OSBPL9: variants seen among roughly 807,000 people sequenced by gnomAD.
OSBPL9 encodes oxysterol binding protein like 9, also known as oxysterol-binding protein-related protein 9.
A neutral mutation model predicts 106.6 loss-of-function variants in OSBPL9; 40 were observed. The ratio of observed to expected loss-of-function variants is 0.38; its 90% confidence interval spans 0.29 to 0.49. OSBPL9 has a LOEUF of 0.49. OSBPL9 is among the 20% of genes least tolerant of loss of function. The probability of loss-of-function intolerance (pLI) is 0.97; values close to 1 mark genes in which losing one functional copy is unlikely to be tolerated. For synonymous variants in OSBPL9, 269 were observed against 295.4 expected, an observed-to-expected ratio of 0.91 and a Z score of 0.92; for missense variants, 609 against 887.2, an observed-to-expected ratio of 0.69 and a Z score of 3.98.
chr1:51,650,837 G>A (rs1265682204), intron 1 of OSBPL9, among the ~76,000 whole-genome samples: 3 of 152,060 alleles, frequency 2.0e-5, no homozygotes, highest in East Asian at 3.9e-4. Context: ...TTTACTCTTA[G>A]GAATATTTAC....
chr1:51,691,232 TTTTC>T (rs1276471087), intron 3 of OSBPL9, among the ~76,000 whole-genome samples: 1 of 152,078 alleles, frequency 6.6e-6, no homozygotes, highest in Non-Finnish European at 1.5e-5. Flanking sequence ...TTTAAAAATT[TTTTC>T]TTTCTTCAAT....
rs1157836443 is a variant in OSBPL9 at position 51,784,506 on chromosome 1, G to C, written c.1753G>C (p.Gly585Arg). The stretch of plus-strand genomic sequence containing the variant: ...ATGCAATATTAATTGTTCCAAAACA[G>C]GCTATAGTGCAAATATCATCTTCCA... ...GECNINCSKT[G>R]YSANIIFHTK... The change falls in exon 20 of 24, where the codon GGC becomes CGC. Residue 585 changes from glycine to arginine, a missense_variant. By Grantham distance (125) the Gly-to-Arg change is moderately radical (BLOSUM62 -2). Around this residue, in one of 5 missense-constraint regions of OSBPL9, gnomAD observed 19 missense variants for 60.9 expected, o/e 0.31. Transcript: ENST00000428468. 1.9e-6 allele frequency: 3 copies of C among 1,613,602 alleles called. No homozygotes were observed. The highest frequency in any genetic ancestry group is 2.5e-6 in the Non-Finnish European group (3 of 1,179,480).
chr1:51,768,814 A>C (rs746073873), intron 12 of OSBPL9, among the ~76,000 whole-genome samples: 10 of 152,148 alleles, frequency 6.6e-5, no homozygotes, highest in South Asian at 2.1e-4. Flanking sequence ...GGTTCCTTCT[A>C]TGCTCTCCCA....
At chr1:51,746,829 A>G in intron 6 of OSBPL9, 72 bp downstream of exon 6, 1 of 1,257,588 alleles carries the variant, frequency 8.0e-7, no homozygotes, top group Non-Finnish European at 1.1e-6. Flanking sequence ...TAAGTATCTT[A>G]GTGTGTTTTT....
chr1:51,776,924 TG>T lies in OSBPL9; in HGVS notation c.1256+7del. 1 of 1,595,828 alleles carries T rather than the reference TG, an allele frequency of 6.3e-7. No homozygotes were observed. The highest frequency in any genetic ancestry group is 8.6e-7 in the Non-Finnish European group (1 of 1,163,390). ...CATCCGGACCTGTTTGTGAGGTATTTGACTGAACATGGTAGTTTCCAACGTT... is the reference window on the plus strand; with the variant it reads ...CATCCGGACCTGTTTGTGAGGTATTTACTGAACATGGTAGTTTCCAACGTT... On this transcript the variant is annotated splice_region_variant and intron_variant, in intron 15 of 23. Coordinates refer to ENST00000428468, the MANE Select transcript of OSBPL9 (RefSeq NM_024586.6).
chr1:51,786,090 A>AC (rs1677558406), intron 21 of OSBPL9: 1 of 557,002 alleles, frequency 1.8e-6, no homozygotes. Flanking sequence ...CCAGCAGTAT[A>AC]GGTAATTATA....
chr1:51,522,934 T>C, the OSBPL9 span, among the ~76,000 whole-genome samples: 1 of 151,992 alleles, frequency 6.6e-6, no homozygotes, highest in Non-Finnish European at 1.5e-5. Context: ...AACAACTAAG[T>C]TGGTTTGACA....
At chr1:51,638,457 A>G (rs1319132350) in intron 1 of OSBPL9, among the ~76,000 whole-genome samples, 1 of 152,110 alleles carries the variant, frequency 6.6e-6, no homozygotes, top group African/African-American at 2.4e-5. Flanking sequence ...AATAGAAAGG[A>G]GACTACATTC....
intron 1 of OSBPL9, among the ~76,000 whole-genome samples, chr1:51,590,755 AT>A (rs537388989): frequency 2.0e-5 from 3 of 150,472 alleles, no homozygotes; most frequent in Non-Finnish European, 3.0e-5. Context: ...ATGATTCTTA[AT>A]TTTTTTTTTC....
At chr1:51,615,288 A>C (rs377490571), upstream of OSBPL9, among the ~76,000 whole-genome samples, 4 of 152,202 alleles carry the variant, frequency 2.6e-5, no homozygotes, top group East Asian at 1.9e-4. Context: ...AACAAACAAA[A>C]AAAACAGAAA....
chr1:51,746,863 C>A, intron 6 of OSBPL9, 106 bp downstream of exon 6: 1 of 882,756 alleles, frequency 1.1e-6, no homozygotes, highest in Non-Finnish European at 1.7e-6. Context: ...ATATTATTGA[C>A]CTAGTGTAAT....
chr1:51,519,090 G>A, the OSBPL9 span: 2 of 726,006 alleles, frequency 2.8e-6, no homozygotes, highest in Admixed American at 4.2e-5. Flanking sequence ...CGGCCCACAA[G>A]CCAAGAAGCT....
At chr1:51,671,963 A>T (rs1473059828) in intron 3 of OSBPL9, among the ~76,000 whole-genome samples, 1 of 152,128 alleles carries the variant, frequency 6.6e-6, no homozygotes, top group Non-Finnish European at 1.5e-5. Context: ...ATACTCATAT[A>T]TTTGAAGAAC....
chr1:51,640,826 C>G (rs1423664660), intron 1 of OSBPL9, among the ~76,000 whole-genome samples: 2 of 150,262 alleles, frequency 1.3e-5, no homozygotes, highest in South Asian at 2.1e-4. Context: ...GAAACAGGCT[C>G]TCACTCTGAT....
At chr1:51,664,593 G>T (rs1647976726) in intron 2 of OSBPL9, among the ~76,000 whole-genome samples, 1 of 152,194 alleles carries the variant, frequency 6.6e-6, no homozygotes, top group South Asian at 2.1e-4. Context: ...TCAAGAGGCT[G>T]AGGCACAAAT....
At chr1:51,784,213 T>G (rs1677072186) in intron 18 of OSBPL9, 51 bp from the exon 19 acceptor site, 11 of 1,569,508 alleles carry the variant, frequency 7.0e-6, no homozygotes, top group Non-Finnish European at 7.9e-6. Flanking sequence ...CAAGAAAGCC[T>G]TGTGGCCACT....
intron 1 of OSBPL9, among the ~76,000 whole-genome samples, chr1:51,592,108 CTTTTTTTTTT>C (rs34379031): frequency 3.9e-5 from 3 of 76,974 alleles, no homozygotes; most frequent in Non-Finnish European, 7.0e-5. Flanking sequence ...GTTGCTAAGG[CTTTTTTTTTT>C]TTTTTTTTTT....
At chr1:51,761,473 GT>G (rs1350186246) in intron 10 of OSBPL9, among the ~76,000 whole-genome samples, 2 of 152,048 alleles carry the variant, frequency 1.3e-5, no homozygotes, top group African/African-American at 4.8e-5. Context: ...CCTTTTGTGA[GT>G]TTTTACTTCT....
At chr1:51,624,351 G>A (rs945676888) in intron 1 of OSBPL9, among the ~76,000 whole-genome samples, 8 of 152,088 alleles carry the variant, frequency 5.3e-5, no homozygotes, top group Non-Finnish European at 1.2e-4. Flanking sequence ...CACTTTGGGA[G>A]TCGAGGCAGG....
Sources: allele counts gnomAD v4.1 joint callset (sites outside exome capture counted in the v4.1 genomes callset), GRCh38; gene constraint gnomAD v4.1.1; regional missense constraint gnomAD v4.1.1; transcripts MANE v1.5; gene names NCBI Gene and HGNC (gene_info 2026-07-23, HGNC 2026-07-21).